The following ENTREP2 variants were observed in gnomAD, a reference collection of about 807,000 sequenced individuals.
ENTREP2 encodes protein ENTREP2.
chr15:29,136,027 G>A, the ENTREP2 span, among the ~76,000 whole-genome samples: 2,527 of 152,306 alleles, frequency 0.017, 63 homozygotes, highest in African/African-American at 0.058. Flanking sequence ...ACGCACCTGG[G>A]CTGTGACTCG....
chr15:29,124,124 A>C, the ENTREP2 span, among the ~76,000 whole-genome samples: 1 of 152,136 alleles, frequency 6.6e-6, no homozygotes, highest in Admixed American at 6.5e-5. Context: ...GCCACCACTC[A>C]GTGCCCTGCT....
At chr15:29,468,646 A>G in the ENTREP2 span, among the ~76,000 whole-genome samples, 6 of 151,976 alleles carry the variant, frequency 3.9e-5, no homozygotes, top group African/African-American at 1.4e-4. Flanking sequence ...GATAATCCAA[A>G]TGAACATTTG....
the ENTREP2 span, among the ~76,000 whole-genome samples, chr15:29,537,336 T>C: frequency 6.6e-6 from 1 of 152,090 alleles, no homozygotes; most frequent in African/African-American, 2.4e-5. Context: ...CAAACACAAA[T>C]TGCTGCTCCA....
the ENTREP2 span, among the ~76,000 whole-genome samples, chr15:29,424,415 G>A: frequency 6.6e-6 from 1 of 152,074 alleles, no homozygotes; most frequent in South Asian, 2.1e-4. Flanking sequence ...AGTGCCGATT[G>A]GTGCATTTAC....
the ENTREP2 span, among the ~76,000 whole-genome samples, chr15:29,210,401 G>C: frequency 6.6e-6 from 1 of 152,218 alleles, no homozygotes; most frequent in Non-Finnish European, 1.5e-5. Flanking sequence ...GACCAGTACT[G>C]GTCCTTGACC....
At chr15:29,147,119 G>A in the ENTREP2 span, among the ~76,000 whole-genome samples, 16 of 152,290 alleles carry the variant, frequency 1.1e-4, 1 homozygote, top group East Asian at 1.2e-3. Context: ...CCACAGGGTG[G>A]GAGAGAAATT....
the ENTREP2 span, among the ~76,000 whole-genome samples, chr15:29,357,102 A>T: frequency 3.3e-5 from 5 of 152,208 alleles, no homozygotes; most frequent in Admixed American, 1.3e-4. Flanking sequence ...TAAAAAACAG[A>T]TTCTAGTGCC....
At chr15:29,570,990 CCCCGCGCGCTCCCCGG>C in the ENTREP2 span, among the ~76,000 whole-genome samples, 1 of 145,400 alleles carries the variant, frequency 6.9e-6, no homozygotes, top group African/African-American at 2.5e-5. Context: ...CCCCCGCCCG[CCCCGCGCGCTCCCCGG>C]CCCGAGCGCG....
At chr15:29,161,886 A>G in the ENTREP2 span, among the ~76,000 whole-genome samples, 1 of 152,084 alleles carries the variant, frequency 6.6e-6, no homozygotes, top group East Asian at 1.9e-4. Context: ...TTAGCTCCAG[A>G]TCGACTGCAA....
chr15:29,487,564 G>T, the ENTREP2 span, among the ~76,000 whole-genome samples: 9 of 152,182 alleles, frequency 5.9e-5, no homozygotes, highest in Admixed American at 5.9e-4. Context: ...AGACTTCAGA[G>T]ACCACACACG....
the ENTREP2 span, among the ~76,000 whole-genome samples, chr15:29,422,643 C>A: frequency 6.6e-6 from 1 of 152,202 alleles, no homozygotes; most frequent in Non-Finnish European, 1.5e-5. Flanking sequence ...GGTAACCCTA[C>A]CCCCACCCTC....
chr15:29,274,316 A>G, the ENTREP2 span, among the ~76,000 whole-genome samples: 1 of 152,234 alleles, frequency 6.6e-6, no homozygotes, highest in African/African-American at 2.4e-5. Context: ...TCACAGGAGA[A>G]GATTATTAAG....
chr15:29,551,892 A>C, the ENTREP2 span, among the ~76,000 whole-genome samples: 4 of 152,132 alleles, frequency 2.6e-5, no homozygotes, highest in Non-Finnish European at 5.9e-5. Flanking sequence ...GAAAGAGCTG[A>C]AGGCAGCCTC....
chr15:29,653,417 C>T, the ENTREP2 span, among the ~76,000 whole-genome samples: 34 of 152,118 alleles, frequency 2.2e-4, no homozygotes, highest in Non-Finnish European at 3.8e-4. Flanking sequence ...TGGCTGTGTC[C>T]CACCCAAAAT....
At chr15:29,635,525 A>T in the ENTREP2 span, among the ~76,000 whole-genome samples, 3,229 of 152,200 alleles carry the variant, frequency 0.021, 126 homozygotes, top group African/African-American at 0.075. Flanking sequence ...GACACAGAGG[A>T]GCTCGGAAGT....
chr15:29,306,585 G>A, the ENTREP2 span, among the ~76,000 whole-genome samples: 188 of 147,332 alleles, frequency 1.3e-3, no homozygotes, highest in African/African-American at 4.4e-3. Flanking sequence ...GCTATGCCAG[G>A]TTTTTACACT....
the ENTREP2 span, among the ~76,000 whole-genome samples, chr15:29,561,585 G>A: frequency 6.6e-6 from 1 of 152,208 alleles, no homozygotes; most frequent in African/African-American, 2.4e-5. Context: ...CTACTCGGGA[G>A]GCTGAGGCAG....
the ENTREP2 span, among the ~76,000 whole-genome samples, chr15:29,477,500 A>G: frequency 6.6e-6 from 1 of 152,186 alleles, no homozygotes; most frequent in Non-Finnish European, 1.5e-5. Flanking sequence ...TAGCCCTTAG[A>G]GCTTGGAGAA....
At chr15:29,600,937 G>C in the ENTREP2 span, among the ~76,000 whole-genome samples, 1 of 115,806 alleles carries the variant, frequency 8.6e-6, no homozygotes, top group Non-Finnish European at 1.6e-5. Flanking sequence ...TCGCTCTTTT[G>C]CCCAGGCTGG....
Sources: allele counts gnomAD v4.1 joint callset (sites outside exome capture counted in the v4.1 genomes callset), GRCh38; gene constraint gnomAD v4.1.1; transcripts MANE v1.5; gene names NCBI Gene and HGNC (gene_info 2026-07-23, HGNC 2026-07-21).